The following ITGB3BP variants were observed in gnomAD, a reference collection of about 807,000 sequenced individuals.
ITGB3BP encodes centromere protein R.
ITGB3BP carries 27 observed loss-of-function variants against 29.1 expected under a neutral mutation model. The ratio of observed to expected loss-of-function variants is 0.93; its 90% CI spans 0.68 to 1.28. ITGB3BP has a LOEUF of 1.28. Ranked by LOEUF, ITGB3BP falls within the 50% of genes most tolerant of loss-of-function variation. The pLI, the probability that ITGB3BP is intolerant of heterozygous loss-of-function variation, is 0.00. For missense variants in ITGB3BP, 192 were observed against 200.2 expected (o/e 0.96, Z 0.25); for synonymous variants, 61 against 61.4 (o/e 0.99, Z 0.03).
intron 2 of ITGB3BP, among the ~76,000 whole-genome samples, chr1:63,493,417 AAAACAAACAAACAAAC>A (rs60111018): frequency 2.0e-3 from 293 of 145,582 alleles, no homozygotes; most frequent in African/African-American, 6.6e-3. Context: ...TCTGTCTCAA[AAAACAAACAAACAAAC>A]AAACAAACAA....
At chr1:63,522,151 C>T (rs1164985400) in intron 1 of ITGB3BP, among the ~76,000 whole-genome samples, 2 of 152,200 alleles carry the variant, frequency 1.3e-5, no homozygotes, top group East Asian at 1.9e-4. Flanking sequence ...TAGCAGCCCC[C>T]ATCCCCTAAA....
rs139059218 is a variant in ITGB3BP, at chr1:63,456,066, T to C, written c.255-1098A>G. On this transcript the variant is annotated intron_variant, in intron 4 of 8. Transcript: ENST00000271002. ...TTAGCCATGTATGGCTAGTGCGTACTGTTTCAAACAGCATAAATCCATATA... is the reference window on the plus strand; with the variant it reads ...TTAGCCATGTATGGCTAGTGCGTACCGTTTCAAACAGCATAAATCCATATA... 3.8e-3 allele frequency among the ~76,000 whole-genome samples: 586 copies of C among 152,322 alleles called. 3 individuals are homozygous for C. Among genetic ancestry groups the C allele is most frequent in the African/African-American group, 0.013 (524 of 41,578 alleles).
chr1:63,470,236 T>C (rs1489325083), intron 4 of ITGB3BP, among the ~76,000 whole-genome samples: 1 of 152,184 alleles, frequency 6.6e-6, no homozygotes, highest in East Asian at 1.9e-4. Flanking sequence ...TCTATATTTC[T>C]GTGTGTGTGT....
intron 4 of ITGB3BP, among the ~76,000 whole-genome samples, chr1:63,468,874 T>TAAATAAATAAATAAACTCTGTCTCA (rs1338799125): frequency 7.0e-5 from 6 of 86,324 alleles, no homozygotes; most frequent in African/African-American, 9.9e-5. Flanking sequence ...AATAAATAAA[T>TAAATAAATAAATAAACTCTGTCTCA]AAATAAATAA....
chr1:63,501,392 T>TTA (rs1207295736), intron 2 of ITGB3BP, among the ~76,000 whole-genome samples: 116 of 142,172 alleles, frequency 8.2e-4, no homozygotes, highest in East Asian at 1.6e-3. Flanking sequence ...ACTCCATTTA[T>TTA]ATGAAATGGT....
intron 3 of ITGB3BP, among the ~76,000 whole-genome samples, chr1:63,486,268 G>T (rs1309585826): frequency 6.6e-6 from 1 of 151,878 alleles, no homozygotes; most frequent in East Asian, 1.9e-4. Flanking sequence ...GTTCATGGGA[G>T]GAAAGGGGAA....
upstream of ITGB3BP, among the ~76,000 whole-genome samples, chr1:63,527,130 G>C (rs1226652341): frequency 6.6e-6 from 1 of 152,050 alleles, no homozygotes; most frequent in Non-Finnish European, 1.5e-5. Context: ...TTTTGTTACT[G>C]TTTTGAAAAT....
At chr1:63,448,741 T>A (rs1199833554) in intron 7 of ITGB3BP, among the ~76,000 whole-genome samples, 1 of 152,212 alleles carries the variant, frequency 6.6e-6, no homozygotes, top group East Asian at 1.9e-4. Flanking sequence ...AGAATAGTCT[T>A]CAGTCTATTC....
intron 8 of ITGB3BP, chr1:63,446,591 A>G (rs1048128656): frequency 1.5e-5 from 8 of 524,064 alleles, no homozygotes; most frequent in African/African-American, 1.3e-4. Flanking sequence ...TCAGCTCAAC[A>G]GTTCTTTCCA....
intron 4 of ITGB3BP, among the ~76,000 whole-genome samples, chr1:63,466,444 C>T (rs1031895567): frequency 3.9e-5 from 6 of 152,234 alleles, no homozygotes; most frequent in African/African-American, 1.4e-4. Context: ...ACTTGCCAAA[C>T]TTAAAAAACC....
chr1:63,483,680 T>C (rs1645477841), intron 3 of ITGB3BP, among the ~76,000 whole-genome samples: 1 of 152,208 alleles, frequency 6.6e-6, no homozygotes, highest in Non-Finnish European at 1.5e-5. Context: ...CCTTTTTAAA[T>C]ACAGTCATGA....
chr1:63,492,917 T>C (rs1382009764), intron 2 of ITGB3BP, among the ~76,000 whole-genome samples: 2 of 150,442 alleles, frequency 1.3e-5, no homozygotes, highest in African/African-American at 4.9e-5. Flanking sequence ...GAAACCAGCC[T>C]GAGCAACATG....
chr1:63,444,169 CAAAA>C (rs1263779784), intron 8 of ITGB3BP, among the ~76,000 whole-genome samples: 2 of 152,028 alleles, frequency 1.3e-5, no homozygotes, highest in African/African-American at 4.8e-5. Flanking sequence ...CTCAAAGACT[CAAAA>C]GAACACCCCA....
In ITGB3BP at chr1:63,454,902, T is replaced by A; in HGVS notation, c.321A>T (p.Leu107Phe). The A allele has an allele frequency of 6.5e-7, 1 of 1,527,878 alleles. No individual in the cohort carries two copies. Among genetic ancestry groups the A allele is most frequent in the Non-Finnish European group, 9.1e-7 (1 of 1,103,488 alleles). The allele number at this position is 1,527,878 out of a possible 1,614,324, so 94.6% of individuals were successfully genotyped here. A position where few individuals can be genotyped will look rare whatever the true frequency, so the allele number is the denominator to read the frequency against. ...AAAAAATGCAAACCTGTATACTACT[T>A]AAATTTTGCATTATCTCCATGATTT... Reference protein sequence around the residue: ...SEEIMEIMQNLSSIQALEGSR... With the variant: ...SEEIMEIMQNFSSIQALEGSR... The change falls in exon 5 of 9, where the codon TTA becomes TTT. Residue 107 changes from leucine to phenylalanine, a missense_variant. Physicochemically the swap from Leu to Phe is conservative, Grantham distance 22. Transcript: ENST00000271002. The surrounding 1 kb of genome is among the most constrained non-coding windows in gnomAD (Gnocchi z 4.1).
At chr1:63,505,726 T>C (rs529554922) in intron 2 of ITGB3BP, among the ~76,000 whole-genome samples, 1 of 152,190 alleles carries the variant, frequency 6.6e-6, no homozygotes, top group Non-Finnish European at 1.5e-5. Context: ...TTTGTTCTCG[T>C]TGGTTTCAAA....
intron 3 of ITGB3BP, among the ~76,000 whole-genome samples, chr1:63,479,471 ACT>A: frequency 6.6e-6 from 1 of 151,978 alleles, no homozygotes; most frequent in Non-Finnish European, 1.5e-5. Context: ...CTGAAAGTCT[ACT>A]CTCTCAGCAA....
At chr1:63,498,835 G>C (rs1645853619) in intron 2 of ITGB3BP, among the ~76,000 whole-genome samples, 1 of 152,016 alleles carries the variant, frequency 6.6e-6, no homozygotes. Flanking sequence ...AGGAAGAAAA[G>C]GAGGGAGGGA....
At position 63,474,931 on chromosome 1, in the gene ITGB3BP, C is replaced by A. The variant is rs866342856; in HGVS notation, c.254+3833G>T. On this transcript the variant is annotated intron_variant, in intron 4 of 8. Transcript: ENST00000271002. ...TAAATAAAATAAAAACAAAACAAAACAAAAACAAAAACTGATCCACAAATG... is the reference window on the plus strand; with the variant it reads ...TAAATAAAATAAAAACAAAACAAAAAAAAAACAAAAACTGATCCACAAATG... 3.7e-3 allele frequency among the ~76,000 whole-genome samples: 543 copies of A among 147,306 alleles called. 1 individual carries two copies. The highest frequency in any genetic ancestry group is 0.013 in the African/African-American group (502 of 40,084).
At chr1:63,523,810 G>C (rs1410121303), upstream of ITGB3BP, among the ~76,000 whole-genome samples, 5 of 152,174 alleles carry the variant, frequency 3.3e-5, no homozygotes, top group Admixed American at 2.6e-4. Context: ...ATAGAGAGAT[G>C]GTGCCCGAGA....
Sources: gnomAD v4.1 joint callset for allele counts (sites outside exome capture counted in the v4.1 genomes callset) on GRCh38, gnomAD v4.1.1 for gene constraint, Gnocchi (gnomAD v3.1) non-coding constraint, MANE v1.5 for transcripts, NCBI Gene and HGNC (gene_info 2026-07-23, HGNC 2026-07-21) for gene names.